The following BMPR2 variants were observed in gnomAD, a reference collection of about 807,000 sequenced individuals.
The protein encoded by BMPR2 is bone morphogenetic protein receptor type-2.
A neutral mutation model predicts 100.8 loss-of-function variants in BMPR2; 29 were observed. The observed-to-expected ratio is 0.29, with a 90% CI of 0.21 to 0.39. BMPR2 has a LOEUF of 0.39. Among genes scored for constraint, BMPR2 ranks in the 10% least tolerant of loss-of-function variants. The pLI is 1.00. For synonymous variants in BMPR2, 382 were observed against 442.3 expected, an observed-to-expected ratio of 0.86 and a Z score of 1.71; for missense variants, 1,011 against 1,274.5, an observed-to-expected ratio of 0.79 and a Z score of 3.15.
intron 3 of BMPR2, among the ~76,000 whole-genome samples, chr2:202,484,979 A>AAAG (rs1363971843): frequency 6.7e-6 from 1 of 150,200 alleles, no homozygotes; most frequent in Non-Finnish European, 1.5e-5. Flanking sequence ...AAAAAAAAAA[A>AAAG]AAAAAAAAAG....
Position 202,465,115 on chromosome 2 carries a change from G to T in BMPR2, c.247+136G>T, listed in dbSNP as rs960255143. 2.6e-6 allele frequency: 3 copies of T among 1,138,370 alleles called. No individual in the cohort carries two copies. In the African/African-American group the frequency reaches 4.6e-5, roughly 18 times the overall value. 70.5% of individuals were successfully genotyped at this position (1,138,370 alleles called of 1,614,324 possible). On this transcript the variant is annotated intron_variant, in intron 2 of 12. Coordinates refer to ENST00000374580, the MANE Select transcript of BMPR2 (RefSeq NM_001204.7). Reference sequence around the variant, plus strand: ...AAGTGTATATATAAAGCCAGGTGTGGTGGCTCATGCCTGTAATTCCAGCAC... The same window carrying T: ...AAGTGTATATATAAAGCCAGGTGTGTTGGCTCATGCCTGTAATTCCAGCAC...
At chr2:202,419,848 G>T (rs1691221914) in intron 1 of BMPR2, among the ~76,000 whole-genome samples, 2 of 152,050 alleles carry the variant, frequency 1.3e-5, no homozygotes, top group African/African-American at 2.4e-5. Flanking sequence ...TAGAAAAAAG[G>T]TTATTAAAAA....
chr2:202,547,704 G>A (rs1161587224), intron 10 of BMPR2, among the ~76,000 whole-genome samples: 1 of 144,170 alleles, frequency 6.9e-6, no homozygotes, highest in African/African-American at 2.6e-5. Flanking sequence ...AATCGCTTGA[G>A]CCCGGGAGGC....
chr2:202,478,946 AAAG>A (rs1692604996), intron 3 of BMPR2, among the ~76,000 whole-genome samples: 1 of 152,092 alleles, frequency 6.6e-6, no homozygotes, highest in African/African-American at 2.4e-5. Flanking sequence ...TAAAAATAAA[AAAG>A]AAGAAAAAAA....
At chr2:202,484,518 C>CA (rs1692731712) in intron 3 of BMPR2, among the ~76,000 whole-genome samples, 1 of 147,490 alleles carries the variant, frequency 6.8e-6, no homozygotes, top group African/African-American at 2.5e-5. Context: ...ACTAAAAATA[C>CA]AAAAAATTAG....
chr2:202,519,157 T>C, intron 6 of BMPR2, 105 bp downstream of exon 6: 1 of 1,193,910 alleles, frequency 8.4e-7, no homozygotes, highest in Non-Finnish European at 1.2e-6. Flanking sequence ...AGGCCAAGAG[T>C]TCAGGACCAG....
At chr2:202,543,915 T>C (rs1688327974) in intron 10 of BMPR2, among the ~76,000 whole-genome samples, 1 of 152,160 alleles carries the variant, frequency 6.6e-6, no homozygotes, top group Non-Finnish European at 1.5e-5. Flanking sequence ...TTTCAAGTTA[T>C]CATCCATCAC....
At chr2:202,477,018 A>G (rs190722595) in intron 3 of BMPR2, among the ~76,000 whole-genome samples, 7 of 152,010 alleles carry the variant, frequency 4.6e-5, no homozygotes, top group Admixed American at 1.3e-4. Flanking sequence ...GGAATGTTAT[A>G]TAGTGTAATG....
intron 3 of BMPR2, among the ~76,000 whole-genome samples, chr2:202,507,761 G>A (rs1170563618): frequency 3.3e-5 from 5 of 150,098 alleles, no homozygotes; most frequent in African/African-American, 9.8e-5. Flanking sequence ...GTGCAATGGC[G>A]CCATCTCGGC....
intron 3 of BMPR2, among the ~76,000 whole-genome samples, chr2:202,498,754 C>T (rs377248146): frequency 4.6e-5 from 7 of 152,218 alleles, no homozygotes; most frequent in African/African-American, 1.2e-4. Flanking sequence ...CGGCTTGGCC[C>T]CAATATTCTC....
In BMPR2 at chr2:202,496,157, TGCAG is replaced by T. The variant is rs546552377; in HGVS notation, c.419-17558_419-17555del. On this transcript the variant is annotated intron_variant, in intron 3 of 12. Coordinates refer to ENST00000374580, the MANE Select transcript of BMPR2 (RefSeq NM_001204.7). ...TTTACTTATTTTCCAAAAATCCAAA[TGCAG>T]GCATTATCCAGAAAAATTTAACAGG... 2.0e-5 allele frequency among the ~76,000 whole-genome samples: 3 copies of T among 152,338 alleles called. No individual in the cohort carries two copies. The South Asian group carries it at 6.2e-4, about 32-fold the overall frequency.
chr2:202,544,462 C>A (rs942371779), intron 10 of BMPR2, among the ~76,000 whole-genome samples: 2 of 152,190 alleles, frequency 1.3e-5, no homozygotes, highest in African/African-American at 4.8e-5. Flanking sequence ...AACTACTACT[C>A]CATCATTCTC....
Position 202,439,894 on chromosome 2 carries a change from C to A in BMPR2, c.77-24915C>A, listed in dbSNP as rs1347283515. On this transcript the variant is annotated intron_variant, in intron 1 of 12. Coordinates refer to ENST00000374580, the MANE Select transcript of BMPR2 (RefSeq NM_001204.7). Reference sequence around the variant, plus strand: ...TGGTTTTCCTAGGCAGAGGACCCTGCGGCCTTCCGCAGTGTTTGTGTCCCT... The same window carrying A: ...TGGTTTTCCTAGGCAGAGGACCCTGAGGCCTTCCGCAGTGTTTGTGTCCCT... 2.0e-5 allele frequency among the ~76,000 whole-genome samples: 3 copies of A among 150,098 alleles called. 1 individual carries two copies. Among genetic ancestry groups the A allele is most frequent in the African/African-American group, 7.6e-5 (3 of 39,550 alleles).
In BMPR2 at chr2:202,448,961, G is replaced by T. The variant is rs998799979; in HGVS notation, c.77-15848G>T. On this transcript the variant is annotated intron_variant, in intron 1 of 12. Transcript: ENST00000374580. ...TGTGTGTGTGTGTGTGTGTGTGTGT[G>T]TATTTTTTGTTTTAATCAGCTTTTG... Among the ~76,000 whole-genome samples the T allele has an allele frequency of 3.6e-5, 5 of 139,672 alleles. No individual in the cohort carries two copies. In the East Asian group the frequency reaches 6.2e-4, roughly 17 times the overall value. 91.6% of individuals were successfully genotyped at this position (139,672 alleles called of 152,430 possible).
chr2:202,492,418 G>A (rs375675397), intron 3 of BMPR2, among the ~76,000 whole-genome samples: 1 of 151,896 alleles, frequency 6.6e-6, no homozygotes, highest in South Asian at 2.1e-4. Context: ...CAGGATGGGC[G>A]GTTACAAGTG....
At chr2:202,476,864 T>A (rs1692561868) in intron 3 of BMPR2, among the ~76,000 whole-genome samples, 1 of 151,948 alleles carries the variant, frequency 6.6e-6, no homozygotes, top group South Asian at 2.1e-4. Flanking sequence ...TTCAATATAC[T>A]GTTTTGAGCA....
chr2:202,413,181 C>T (rs1219734431), intron 1 of BMPR2, among the ~76,000 whole-genome samples: 1 of 152,146 alleles, frequency 6.6e-6, no homozygotes, highest in African/African-American at 2.4e-5. Context: ...GTTCGTGGCC[C>T]ATTTAGTGCC....
chr2:202,565,547 G>A lies in BMPR2; in HGVS notation c.*5601G>A, dbSNP rs1189351950. The A allele has an allele frequency of 6.6e-6, 1 of 152,406 alleles. No homozygotes were observed. The highest frequency in any genetic ancestry group is 1.5e-5 in the Non-Finnish European group (1 of 68,000). 9.4% of individuals were successfully genotyped at this position (152,406 alleles called of 1,614,324 possible). The stretch of plus-strand genomic sequence containing the variant: ...ATTTTATGATTTTATATTCTCATTA[G>A]TTATAACTAAAAAGCCATGCACACA... On this transcript the variant is annotated 3_prime_UTR_variant, in exon 13 of 13. Coordinates refer to ENST00000374580, the MANE Select transcript of BMPR2 (RefSeq NM_001204.7).
chr2:202,428,644 C>T (rs1002453714), intron 1 of BMPR2, among the ~76,000 whole-genome samples: 1 of 152,036 alleles, frequency 6.6e-6, no homozygotes, highest in African/African-American at 2.4e-5. Context: ...TGGGCTGAAG[C>T]GATCCTGCCT....
Sources: allele counts gnomAD v4.1 joint callset (sites outside exome capture counted in the v4.1 genomes callset), GRCh38; gene constraint gnomAD v4.1.1; transcripts MANE v1.5; gene names NCBI Gene and HGNC (gene_info 2026-07-23, HGNC 2026-07-21).